MARCHF2: variants seen among roughly 807,000 people sequenced by gnomAD.
The protein encoded by MARCHF2 is membrane associated ring-CH-type finger 2.
In MARCHF2, 22 loss-of-function variants were observed where a neutral mutation model predicts 24.0. That is an observed-to-expected ratio of 0.92 (90% confidence interval 0.66 to 1.31). The LOEUF is 1.31. MARCHF2 is among the 50% of genes most tolerant of loss of function. The probability of loss-of-function intolerance (pLI) is 0.00; values close to 1 mark genes in which losing one functional copy is unlikely to be tolerated. For missense variants in MARCHF2, 301 were observed against 335.3 expected (o/e 0.90, Z 0.80); for synonymous variants, 154 against 153.0 (o/e 1.01, Z -0.05).
chr19:8,433,434 TTTGGGAGGCTGAGG>T (rs1967631886), intron 4 of MARCHF2, among the ~76,000 whole-genome samples: 1 of 151,540 alleles, frequency 6.6e-6, no homozygotes, highest in Non-Finnish European at 1.5e-5. Context: ...ATTCCAGCAC[TTTGGGAGGCTGAGG>T]CGGGTGGATC....
intron 2 of MARCHF2, among the ~76,000 whole-genome samples, chr19:8,425,799 T>C (rs1967382907): frequency 6.6e-6 from 1 of 151,652 alleles, no homozygotes; most frequent in Admixed American, 6.6e-5. Context: ...GTATTTTTAG[T>C]AGAGACGGGG....
rs1342206625 is a variant in MARCHF2 at position 8,415,731 on chromosome 19, A to AAC, written c.-53+2312_-53+2313insCA. 2.4e-5 allele frequency among the ~76,000 whole-genome samples: 2 copies of AAC among 81,790 alleles called. 1 individual carries two copies. The highest frequency in any genetic ancestry group is 5.4e-5 in the Non-Finnish European group (2 of 37,042). 53.7% of individuals were successfully genotyped at this position (81,790 alleles called of 152,430 possible). On this transcript the variant is annotated intron_variant, in intron 1 of 4. Coordinates refer to ENST00000215555, the MANE Select transcript of MARCHF2 (RefSeq NM_001005415.2). Reference sequence around the variant, plus strand: ...AGTGAAACTCCATCTCAAAAAAAAAAAAACAAAAAAAACAAAAAAAAAAAC... The same window carrying AAC: ...AGTGAAACTCCATCTCAAAAAAAAAAACAAACAAAAAAAACAAAAAAAAAAAC...
At chr19:8,437,040 C>T (rs1206192442) in intron 4 of MARCHF2, among the ~76,000 whole-genome samples, 5 of 147,648 alleles carry the variant, frequency 3.4e-5, no homozygotes, top group Non-Finnish European at 5.9e-5. Flanking sequence ...ATTGCAGTGG[C>T]GTGAGCACAG....
chr19:8,433,449 C>T (rs952013559), intron 4 of MARCHF2, among the ~76,000 whole-genome samples: 3 of 151,324 alleles, frequency 2.0e-5, no homozygotes, highest in Admixed American at 1.3e-4. Flanking sequence ...GAGGCTGAGG[C>T]GGGTGGATCA....
At chr19:8,426,899 C>T in intron 3 of MARCHF2, 95 bp downstream of exon 3, 1 of 1,162,570 alleles carries the variant, frequency 8.6e-7, no homozygotes, top group Non-Finnish European at 1.2e-6. Context: ...TGGTGGTCCT[C>T]CTAGGGCAGA....
chr19:8,436,794 G>A (rs548608361), intron 4 of MARCHF2, among the ~76,000 whole-genome samples: 93 of 147,750 alleles, frequency 6.3e-4, no homozygotes, highest in Middle Eastern at 3.5e-3. Context: ...AGGTTCAAGC[G>A]ATTCTCTTGC....
chr19:8,414,826 G>A (rs1001071008), intron 1 of MARCHF2, among the ~76,000 whole-genome samples: 21 of 152,128 alleles, frequency 1.4e-4, no homozygotes, highest in African/African-American at 4.8e-4. Context: ...ACCCCTCCAC[G>A]GACAGAGTCC....
In MARCHF2 at chr19:8,430,668, A is replaced by C; in HGVS notation, c.383A>C (p.Asp128Ala). Residue 128 changes from aspartate to alanine, a missense_variant, in exon 4 of 5, where the codon GAC (aspartate) becomes GCC (alanine). Asp to Ala is a moderately radical substitution (Grantham distance 126). Coordinates refer to ENST00000215555, the MANE Select transcript of MARCHF2 (RefSeq NM_001005415.2). The surrounding 1 kb of genome is among the most constrained non-coding windows in gnomAD (Gnocchi z 4.4). ...RPRPLTEWLK[D>A]PGPRTEKRTL... ...TCCTCTCCCCTGCAGTGGCTGAAGG[A>C]CCCGGGGCCGCGGACGGAGAAGCGG... is the stretch of plus-strand genomic sequence containing the variant. 6.2e-7 allele frequency: 1 copy of C among 1,607,538 alleles called. No homozygotes were observed.
intron 4 of MARCHF2, among the ~76,000 whole-genome samples, chr19:8,437,624 T>G (rs1054720389): frequency 4.1e-4 from 62 of 151,730 alleles, no homozygotes; most frequent in African/African-American, 1.4e-3. Context: ...GTGCTGGGAT[T>G]ACAGGCGTGA....
chr19:8,425,398 CAAA>C (rs967644818), intron 2 of MARCHF2, among the ~76,000 whole-genome samples: 1 of 116,608 alleles, frequency 8.6e-6, no homozygotes, highest in Non-Finnish European at 1.8e-5. Flanking sequence ...GACTCCATCT[CAAA>C]AAAAAAAAAA....
At chr19:8,425,007 A>G (rs190189753) in intron 2 of MARCHF2, among the ~76,000 whole-genome samples, 1 of 152,098 alleles carries the variant, frequency 6.6e-6, no homozygotes, top group Non-Finnish European at 1.5e-5. Context: ...TCCTGGGCAC[A>G]TGTGATCCTC....
Position 8,430,089 on chromosome 19 carries a change from C to T in MARCHF2, c.373-569C>T, listed in dbSNP as rs902292017. On this transcript the variant is annotated intron_variant, in intron 3 of 4. Transcript: ENST00000215555. The surrounding 1 kb of genome is among the most constrained non-coding windows in gnomAD (Gnocchi z 4.4). ...TGTTTGAAAGAAGGAAAGGGCCAGGCGTGGTGGCTCACACCTGTAATCCCA... is the reference window on the plus strand; with the variant it reads ...TGTTTGAAAGAAGGAAAGGGCCAGGTGTGGTGGCTCACACCTGTAATCCCA... Among the ~76,000 whole-genome samples, 3 of 151,880 alleles carry T rather than the reference C, an allele frequency of 2.0e-5. No individual in the cohort carries two copies. Among genetic ancestry groups the T allele is most frequent in the Non-Finnish European group, 2.9e-5 (2 of 67,964 alleles).
At chr19:8,436,208 C>T (rs35562870) in intron 4 of MARCHF2, among the ~76,000 whole-genome samples, 32,998 of 151,330 alleles carry the variant, frequency 0.22, 4,511 homozygotes, top group East Asian at 0.5. Flanking sequence ...GATCTTGGCT[C>T]ACTGCAACTT....
intron 2 of MARCHF2, among the ~76,000 whole-genome samples, chr19:8,422,639 CG>C (rs1967280192): frequency 6.6e-6 from 1 of 151,530 alleles, no homozygotes; most frequent in Non-Finnish European, 1.5e-5. Flanking sequence ...GTGATCTGCC[CG>C]TCTCGGCCTC....
intron 1 of MARCHF2, among the ~76,000 whole-genome samples, chr19:8,415,073 G>A (rs560817172): frequency 3.3e-5 from 5 of 152,288 alleles, no homozygotes; most frequent in African/African-American, 9.6e-5. Context: ...ATCATAGGGT[G>A]TAATTATTGG....
intron 4 of MARCHF2, among the ~76,000 whole-genome samples, chr19:8,433,323 A>T (rs1967629330): frequency 6.6e-6 from 1 of 151,836 alleles, no homozygotes; most frequent in South Asian, 2.1e-4. Context: ...GGGGCATATC[A>T]CTTGAGGTCA....
At chr19:8,434,862 T>C (rs1355407794) in intron 4 of MARCHF2, among the ~76,000 whole-genome samples, 2 of 150,492 alleles carry the variant, frequency 1.3e-5, no homozygotes, top group Non-Finnish European at 3.0e-5. Flanking sequence ...TCTGCCACCA[T>C]GTCTGGCTAA....
At chr19:8,424,171 G>A (rs1277727895) in intron 2 of MARCHF2, among the ~76,000 whole-genome samples, 1 of 152,086 alleles carries the variant, frequency 6.6e-6, no homozygotes, top group Non-Finnish European at 1.5e-5. Flanking sequence ...AGCTGCCCTG[G>A]GAAGGACCCG....
intron 1 of MARCHF2, 98 bp from the exon 2 acceptor site, chr19:8,421,691 G>T: frequency 1.6e-6 from 1 of 615,772 alleles, no homozygotes; most frequent in East Asian, 3.0e-5. Flanking sequence ...GATGTAAATG[G>T]TCTAGTGGTC....
Sources: gnomAD v4.1 joint callset for allele counts (sites outside exome capture counted in the v4.1 genomes callset) on GRCh38, gnomAD v4.1.1 for gene constraint, Gnocchi (gnomAD v3.1) non-coding constraint, MANE v1.5 for transcripts, NCBI Gene and HGNC (gene_info 2026-07-23, HGNC 2026-07-21) for gene names.